The following ADAMTS12 variants were observed in gnomAD, a reference collection of about 807,000 sequenced individuals.
The protein encoded by ADAMTS12 is A disintegrin and metalloproteinase with thrombospondin motifs 12.
In ADAMTS12, 118 loss-of-function variants were observed where a neutral mutation model predicts 167.8. The ratio of observed to expected loss-of-function variants is 0.70; its 90% CI spans 0.61 to 0.82. The LOEUF is 0.82. ADAMTS12 is among the 40% of genes least tolerant of loss of function. The pLI, the probability that ADAMTS12 is intolerant of heterozygous loss-of-function variation, is 0.00. For missense variants in ADAMTS12, 1,916 were observed against 1,998.8 expected, an observed-to-expected ratio of 0.96 and a Z score of 0.79; for synonymous variants, 704 against 716.9, an observed-to-expected ratio of 0.98 and a Z score of 0.29.
At chr5:33,681,755 A>C (rs1446300647) in intron 5 of ADAMTS12, among the ~76,000 whole-genome samples, 1 of 152,194 alleles carries the variant, frequency 6.6e-6, no homozygotes, top group Non-Finnish European at 1.5e-5. Flanking sequence ...AGTCATGTGC[A>C]GAACCAGGAG....
At chr5:33,641,447 G>A (rs953913730) in intron 11 of ADAMTS12, among the ~76,000 whole-genome samples, 41 of 152,256 alleles carry the variant, frequency 2.7e-4, no homozygotes, top group African/African-American at 7.7e-4. Context: ...GCAAAATTGC[G>A]TTTCACTAAT....
At chr5:33,605,208 A>G (rs931105233) in intron 16 of ADAMTS12, among the ~76,000 whole-genome samples, 3 of 152,222 alleles carry the variant, frequency 2.0e-5, no homozygotes, top group African/African-American at 7.2e-5. Context: ...TCAACCACTG[A>G]GCCGAGTCTA....
At chr5:33,684,092 A>G (rs139363701) in intron 3 of ADAMTS12, 37 bp from the exon 4 acceptor site, 5 of 1,342,466 alleles carry the variant, frequency 3.7e-6, no homozygotes, top group African/African-American at 3.0e-5. Context: ...CTAACACTGT[A>G]TATGTCTCAT....
chr5:33,775,073 C>T lies in ADAMTS12; in HGVS notation c.490-23525G>A, dbSNP rs184586736. ...CTGATGTTTTTAAAGCTCCCCAGGTCATTCTGATGCAGAAAGTCAATGTGA... is the reference window on the plus strand; with the variant it reads ...CTGATGTTTTTAAAGCTCCCCAGGTTATTCTGATGCAGAAAGTCAATGTGA... On this transcript the variant is annotated intron_variant, in intron 2 of 23. Coordinates refer to ENST00000504830, the MANE Select transcript of ADAMTS12 (RefSeq NM_030955.4). Among the ~76,000 whole-genome samples, 19 of 152,226 alleles carry T rather than the reference C, an allele frequency of 1.2e-4. No homozygotes were observed. In the East Asian group the frequency reaches 3.5e-3, roughly 28 times the overall value.
chr5:33,852,901 C>A (rs964253561), intron 2 of ADAMTS12, among the ~76,000 whole-genome samples: 19 of 152,102 alleles, frequency 1.2e-4, no homozygotes, highest in African/African-American at 4.6e-4. Flanking sequence ...TATGGAGACA[C>A]ACAAAAAAAA....
At chr5:33,852,097 T>G (rs1749239583) in intron 2 of ADAMTS12, among the ~76,000 whole-genome samples, 1 of 151,896 alleles carries the variant, frequency 6.6e-6, no homozygotes. Flanking sequence ...GCAAATGTGC[T>G]AACAACAACA....
intron 2 of ADAMTS12, among the ~76,000 whole-genome samples, chr5:33,806,724 TG>T (rs111771560): frequency 0.043 from 6,598 of 152,262 alleles, 495 homozygotes; most frequent in African/African-American, 0.15. Flanking sequence ...TAGAATTTAG[TG>T]GGGAGGAGGG....
chr5:33,714,649 CA>C (rs56411685), intron 3 of ADAMTS12, among the ~76,000 whole-genome samples: 92,407 of 151,514 alleles, frequency 0.61, 29,336 homozygotes, highest in Non-Finnish European at 0.69. Context: ...TCACTTGCAG[CA>C]ACATGGATGG....
chr5:33,643,855 G>A (rs4866410), intron 9 of ADAMTS12, among the ~76,000 whole-genome samples: 85,945 of 152,016 alleles, frequency 0.57, 24,957 homozygotes, highest in East Asian at 0.67. Flanking sequence ...CTAACAGTTG[G>A]GGGTGGTTAT....
chr5:33,847,193 G>C (rs996996065), intron 2 of ADAMTS12, among the ~76,000 whole-genome samples: 1 of 152,206 alleles, frequency 6.6e-6, no homozygotes, highest in Non-Finnish European at 1.5e-5. Context: ...TGTTACAGAT[G>C]TGTAGATCTA....
At chr5:33,736,927 C>T (rs1744396010) in intron 3 of ADAMTS12, among the ~76,000 whole-genome samples, 1 of 152,304 alleles carries the variant, frequency 6.6e-6, no homozygotes, top group South Asian at 2.1e-4. Flanking sequence ...GTTCAGTCTG[C>T]ATAAAGGTTT....
intron 3 of ADAMTS12, among the ~76,000 whole-genome samples, chr5:33,736,339 A>G (rs1744373888): frequency 6.6e-6 from 1 of 152,230 alleles, no homozygotes; most frequent in African/African-American, 2.4e-5. Context: ...CTGAGATTAC[A>G]GGCGTGAGCC....
intron 3 of ADAMTS12, among the ~76,000 whole-genome samples, chr5:33,687,371 G>C (rs1441729459): frequency 6.6e-6 from 1 of 152,262 alleles, no homozygotes. Flanking sequence ...TGAAGGACCC[G>C]AGGCTCAAAA....
At chr5:33,832,653 C>T (rs1748344967) in intron 2 of ADAMTS12, among the ~76,000 whole-genome samples, 1 of 152,128 alleles carries the variant, frequency 6.6e-6, no homozygotes, top group East Asian at 1.9e-4. Flanking sequence ...CAGGCACTAG[C>T]GGGGTGGTGG....
intron 2 of ADAMTS12, among the ~76,000 whole-genome samples, chr5:33,847,753 G>C (rs1042615519): frequency 1.3e-5 from 2 of 152,188 alleles, no homozygotes; most frequent in African/African-American, 4.8e-5. Flanking sequence ...AGTAAGTTAG[G>C]CAAAGAGGGC....
At chr5:33,820,398 C>T (rs546478193) in intron 2 of ADAMTS12, among the ~76,000 whole-genome samples, 7 of 152,240 alleles carry the variant, frequency 4.6e-5, no homozygotes, top group South Asian at 2.1e-4. Context: ...TATGCTTTTG[C>T]ATTTCCTATC....
chr5:33,756,147 C>G (rs899232270), intron 2 of ADAMTS12, among the ~76,000 whole-genome samples: 1 of 152,194 alleles, frequency 6.6e-6, no homozygotes, highest in African/African-American at 2.4e-5. Flanking sequence ...GGGAAGGGAA[C>G]AGCAAAGCCC....
chr5:33,807,565 A>G (rs1336068310), intron 2 of ADAMTS12, among the ~76,000 whole-genome samples: 1 of 152,248 alleles, frequency 6.6e-6, no homozygotes, highest in Non-Finnish European at 1.5e-5. Context: ...AGCATTAAAT[A>G]AAAATCTGGT....
chr5:33,665,205 G>A (rs1029409552), intron 5 of ADAMTS12, among the ~76,000 whole-genome samples: 4 of 152,122 alleles, frequency 2.6e-5, no homozygotes, highest in African/African-American at 9.7e-5. Flanking sequence ...ATCTATAAAA[G>A]TAAAACTGAG....
Sources: allele counts gnomAD v4.1 joint callset (sites outside exome capture counted in the v4.1 genomes callset), GRCh38; gene constraint gnomAD v4.1.1; transcripts MANE v1.5; gene names NCBI Gene and HGNC (gene_info 2026-07-23, HGNC 2026-07-21).